MICAL2: variants seen among roughly 807,000 people sequenced by gnomAD.
The protein encoded by MICAL2 is [F-actin]-monooxygenase MICAL2.
A neutral mutation model predicts 127.3 loss-of-function variants in MICAL2; 77 were observed. The ratio of observed to expected loss-of-function variants is 0.60; its 90% CI spans 0.50 to 0.73. The LOEUF is 0.73. Among genes scored for constraint, MICAL2 ranks in the 30% least tolerant of loss-of-function variants. The pLI is 0.00. For missense variants in MICAL2, 1,351 were observed against 1,434.4 expected, an observed-to-expected ratio of 0.94 and a Z score of 0.94; for synonymous variants, 570 against 551.1, an observed-to-expected ratio of 1.03 and a Z score of -0.48.
intron 21 of MICAL2, among the ~76,000 whole-genome samples, chr11:12,244,809 A>G (rs542206368): frequency 2.1e-3 from 322 of 152,288 alleles, no homozygotes; most frequent in African/African-American, 7.3e-3. Flanking sequence ...ACTTGGGGAT[A>G]AAAGTATTTA....
chr11:12,259,928 T>A, intron 26 of MICAL2, 31 bp downstream of exon 26: 1 of 1,609,796 alleles, frequency 6.2e-7, no homozygotes, highest in Non-Finnish European at 8.5e-7. Context: ...AGGAAGGTGC[T>A]GGGCTGGCCC....
At chr11:12,309,857 T>G (rs2403606) in intron 29 of MICAL2, among the ~76,000 whole-genome samples, 61,780 of 152,096 alleles carry the variant, frequency 0.41, 15,036 homozygotes, top group Non-Finnish European at 0.55. Flanking sequence ...TTGGTCTTTT[T>G]GATAATAGCC....
rs61877173 is a variant in MICAL2 at position 12,256,870 on chromosome 11, G to A, written c.3041G>A (p.Arg1014Gln). 2.3e-3 allele frequency: 3,657 copies of A among 1,614,196 alleles called. 5 individuals are homozygous for A. Among genetic ancestry groups the A allele is most frequent in the Non-Finnish European group, 2.8e-3 (3,356 of 1,180,030 alleles). Reference protein sequence around the residue: ...FCKKRVYVMERLSAEGHFFHR... With the variant: ...FCKKRVYVMEQLSAEGHFFHR... ...AAGAAACGTGTGTACGTGATGGAAC[G>A]GCTGAGCGCCGAGGGCCACTTCTTC... is the stretch of plus-strand genomic sequence containing the variant. The change falls in exon 24 of 28, where the codon CGG becomes CAG. Residue 1014 changes from arginine (R) to glutamine (Q), a missense_variant. This residue lies in a region of MICAL2 where 752 missense variants were observed against 719.4 expected (regional missense o/e 1.05). Transcript: ENST00000683283.
At chr11:12,230,286 A>G (rs567751980) in intron 15 of MICAL2, among the ~76,000 whole-genome samples, 10 of 152,318 alleles carry the variant, frequency 6.6e-5, no homozygotes, top group Non-Finnish European at 1.0e-4. Context: ...CTGCACAGCC[A>G]CAGGGGATGT....
At chr11:12,296,118 AAGTTTT>A (rs1374553528), downstream of MICAL2, among the ~76,000 whole-genome samples, 1 of 148,322 alleles carries the variant, frequency 6.7e-6, no homozygotes, top group Non-Finnish European at 1.5e-5. Context: ...CTCCTTGCCA[AAGTTTT>A]AGTCTATTCC....
chr11:12,261,118 T>C (rs1217830635), intron 26 of MICAL2: 5 of 985,414 alleles, frequency 5.1e-6, no homozygotes, highest in African/African-American at 1.7e-5. Flanking sequence ...TGTCCACTTA[T>C]GTGGTGTCCT....
chr11:12,288,874 G>A (rs1292370062), downstream of MICAL2, among the ~76,000 whole-genome samples: 2 of 152,208 alleles, frequency 1.3e-5, no homozygotes, highest in Non-Finnish European at 2.9e-5. Context: ...AAAATCCCCA[G>A]AGCTGAAAGC....
rs747377748 is a variant in MICAL2, at chr11:12,262,490, C to A, written c.3345C>A (p.Ser1115Arg). 6 of 1,613,820 alleles carry A rather than the reference C, an allele frequency of 3.7e-6. No homozygotes were observed. The highest frequency in any genetic ancestry group is 1.1e-5 in the South Asian group (1 of 91,076). ...CGCCATGGCCATCAGTTCATTTCAG[C>A]CTTCCAGTGCTACACCCACTTCTTG... Reference protein sequence around the residue: ...TLEGSPPVHFSLPVLHPLLG With the variant: ...TLEGSPPVHFRLPVLHPLLG The change falls in exon 27 of 28, where the codon AGC becomes AGA. Residue 1115 changes from serine to arginine, a missense_variant. Coordinates refer to ENST00000683283, the MANE Select transcript of MICAL2 (RefSeq NM_001282663.2).
chr11:12,221,248 G>A (rs182689294), intron 9 of MICAL2, among the ~76,000 whole-genome samples: 1 of 152,040 alleles, frequency 6.6e-6, no homozygotes, highest in East Asian at 1.9e-4. Flanking sequence ...TCCATCAGGC[G>A]CCAGCATTTT....
intron 1 of MICAL2, among the ~76,000 whole-genome samples, chr11:12,116,006 AG>A (rs1430745928): frequency 1.7e-5 from 2 of 120,560 alleles, no homozygotes; most frequent in Non-Finnish European, 3.3e-5. Context: ...TCTGAGATGG[AG>A]TCTCGCTCTT....
At chr11:12,130,950 G>A (rs559239109) in intron 1 of MICAL2, among the ~76,000 whole-genome samples, 4 of 152,294 alleles carry the variant, frequency 2.6e-5, no homozygotes, top group East Asian at 1.9e-4. Flanking sequence ...TGTGATGGTC[G>A]CATGACTGGA....
rs550998382 is a variant in MICAL2, at chr11:12,239,230, T to G, written c.2065-206T>G. Among the ~76,000 whole-genome samples, 15 of 152,294 alleles carry G rather than the reference T, an allele frequency of 9.8e-5. No individual in the cohort carries two copies. In the East Asian group the frequency reaches 2.9e-3, roughly 29 times the overall value. ...ACCCCAACCACCTGGCTCCCAAGCC[T>G]AGCTGTGCCCATCCTTTGGAAAGAC... On this transcript the variant is annotated intron_variant, in intron 16 of 27. Transcript: ENST00000683283.
intron 32 of MICAL2, among the ~76,000 whole-genome samples, chr11:12,330,625 C>A (rs764948352): frequency 6.6e-6 from 1 of 151,990 alleles, no homozygotes; most frequent in Non-Finnish European, 1.5e-5. Context: ...TCCTCATTGT[C>A]GTGACAACAA....
chr11:12,312,138 T>A (rs1362859178), intron 29 of MICAL2, among the ~76,000 whole-genome samples: 1 of 151,858 alleles, frequency 6.6e-6, no homozygotes, highest in Non-Finnish European at 1.5e-5. Context: ...TCTGCCCATT[T>A]TTTGCTTAAT....
chr11:12,156,073 T>C (rs548332047), intron 2 of MICAL2, among the ~76,000 whole-genome samples: 2 of 152,086 alleles, frequency 1.3e-5, no homozygotes, highest in Non-Finnish European at 2.9e-5. Context: ...GCCAAAGAAC[T>C]TGGGTTCTCA....
downstream of MICAL2, among the ~76,000 whole-genome samples, chr11:12,362,102 G>T (rs191289778): frequency 3.7e-4 from 57 of 152,304 alleles, no homozygotes; most frequent in African/African-American, 1.3e-3. Flanking sequence ...ATACTGAAAT[G>T]AACCAAAAAT....
At chr11:12,156,753 G>A (rs368543514) in intron 2 of MICAL2, among the ~76,000 whole-genome samples, 139 of 152,370 alleles carry the variant, frequency 9.1e-4, no homozygotes, top group African/African-American at 3.3e-3. Flanking sequence ...GGTGTGGAAG[G>A]CATCTCGCAC....
chr11:12,242,578 C>G, intron 19 of MICAL2, 93 bp from the exon 20 acceptor site: 1 of 1,442,490 alleles, frequency 6.9e-7, no homozygotes, highest in Non-Finnish European at 9.7e-7. Context: ...GGCAAGGCCC[C>G]CGGCTGCCTC....
chr11:12,285,004 G>A (rs1160854309), intron 2 of MICAL2, among the ~76,000 whole-genome samples: 1 of 152,226 alleles, frequency 6.6e-6, no homozygotes, highest in Non-Finnish European at 1.5e-5. Flanking sequence ...AGAGCTGGCT[G>A]TACAGGAGAC....
Sources: gnomAD v4.1 joint callset for allele counts (sites outside exome capture counted in the v4.1 genomes callset) on GRCh38, gnomAD v4.1.1 for gene constraint, gnomAD v4.1.1 regional missense constraint, MANE v1.5 for transcripts, NCBI Gene and HGNC (gene_info 2026-07-23, HGNC 2026-07-21) for gene names.